COMMD1: variants seen among roughly 807,000 people sequenced by gnomAD.
The protein encoded by COMMD1 is COMM domain-containing protein 1.
COMMD1 carries 10 observed loss-of-function variants against 17.2 expected under a neutral mutation model. The observed-to-expected ratio is 0.58, with a 90% CI of 0.36 to 0.99. The LOEUF (loss-of-function observed/expected upper bound fraction) is 0.99. Among genes scored for constraint, COMMD1 ranks in the 50% least tolerant of loss-of-function variants. The pLI, the probability that COMMD1 is intolerant of heterozygous loss-of-function variation, is 0.01. For synonymous variants in COMMD1, 97 were observed against 91.6 expected (o/e 1.06, Z -0.34); for missense variants, 270 against 231.8 (o/e 1.17, Z -1.07).
At chr2:61,910,223 A>C (rs1233953781) in intron 1 of COMMD1, among the ~76,000 whole-genome samples, 1 of 151,844 alleles carries the variant, frequency 6.6e-6, no homozygotes, top group Non-Finnish European at 1.5e-5. Flanking sequence ...TTATATATAA[A>C]ATATATAAAA....
intron 1 of COMMD1, among the ~76,000 whole-genome samples, chr2:61,945,007 A>G (rs570281917): frequency 2.0e-5 from 3 of 152,308 alleles, no homozygotes; most frequent in Non-Finnish European, 4.4e-5. Context: ...CATAATTGGA[A>G]TTCTCATTCA....
chr2:61,905,657 C>G (rs1482994003), upstream of COMMD1: 1 of 1,524,298 alleles, frequency 6.6e-7, no homozygotes, highest in Non-Finnish European at 8.8e-7. Flanking sequence ...TCAGCTGTTG[C>G]GGGGCGGGGC....
At chr2:62,049,064 A>G (rs1670464764) in intron 2 of COMMD1, among the ~76,000 whole-genome samples, 1 of 152,220 alleles carries the variant, frequency 6.6e-6, no homozygotes, top group African/African-American at 2.4e-5. Flanking sequence ...AAGAAATCAC[A>G]TTACATGCAA....
chr2:62,054,245 T>C (rs1365162797), intron 2 of COMMD1, among the ~76,000 whole-genome samples: 1 of 152,142 alleles, frequency 6.6e-6, no homozygotes, highest in East Asian at 1.9e-4. Context: ...GGTAAGAATG[T>C]AAATTAGCAC....
rs574043993 is a variant in COMMD1, at chr2:62,129,593, T to C, written c.463-6238T>C. Among the ~76,000 whole-genome samples the C allele has an allele frequency of 3.3e-5, 5 of 152,208 alleles. No homozygotes were observed. In the South Asian group the frequency reaches 1.0e-3, roughly 31 times the overall value. On this transcript the variant is annotated intron_variant, in intron 2 of 2. Coordinates refer to ENST00000311832, the MANE Select transcript of COMMD1 (RefSeq NM_152516.4). ...TGAGTGGTGAACACAGGTTTACTTA[T>C]GAAGATGTTTTGAACTTCTCTGGCA... is the stretch of plus-strand genomic sequence containing the variant.
At position 62,094,051 on chromosome 2, in the gene COMMD1, G is replaced by A. The variant is rs187461100; in HGVS notation, c.463-41780G>A. 3.0e-4 allele frequency among the ~76,000 whole-genome samples: 46 copies of A among 152,256 alleles called. No homozygotes were observed. The East Asian group carries it at 4.6e-3, about 15-fold the overall frequency. ...GTTGTCCCTTAAATAAGAACCATCC[G>A]TGAACCAAATTAACTCAGCATTCTC... On this transcript the variant is annotated intron_variant, in intron 2 of 2. Coordinates refer to ENST00000311832, the MANE Select transcript of COMMD1 (RefSeq NM_152516.4).
chr2:62,125,466 T>A (rs1237796090), intron 2 of COMMD1, among the ~76,000 whole-genome samples: 1 of 152,192 alleles, frequency 6.6e-6, no homozygotes, highest in Non-Finnish European at 1.5e-5. Flanking sequence ...CAGTATGATT[T>A]TTTTTCTGTT....
intron 2 of COMMD1, among the ~76,000 whole-genome samples, chr2:62,062,842 G>A (rs1018857070): frequency 2.6e-5 from 4 of 152,190 alleles, no homozygotes; most frequent in Non-Finnish European, 4.4e-5. Flanking sequence ...GGCCAAGGCA[G>A]GAGGACTGCT....
intron 2 of COMMD1, among the ~76,000 whole-genome samples, chr2:62,072,435 G>C (rs1263961064): frequency 6.6e-6 from 1 of 152,128 alleles, no homozygotes; most frequent in South Asian, 2.1e-4. Flanking sequence ...TTCAGGTAGG[G>C]GTTACCCACT....
At chr2:62,086,566 A>G (rs568778243) in intron 2 of COMMD1, among the ~76,000 whole-genome samples, 2 of 152,280 alleles carry the variant, frequency 1.3e-5, no homozygotes, top group Non-Finnish European at 2.9e-5. Flanking sequence ...ATGTTCGACT[A>G]AGCATTTCTG....
intron 1 of COMMD1, among the ~76,000 whole-genome samples, chr2:61,971,996 G>A (rs1671663157): frequency 6.6e-6 from 1 of 152,084 alleles, no homozygotes; most frequent in Admixed American, 6.6e-5. Flanking sequence ...GGTGGCACAT[G>A]TCTTTAGTTC....
chr2:62,094,049 C>T (rs1294107809), intron 2 of COMMD1, among the ~76,000 whole-genome samples: 1 of 152,196 alleles, frequency 6.6e-6, no homozygotes, highest in Non-Finnish European at 1.5e-5. Context: ...TAAGAACCAT[C>T]CGTGAACCAA....
chr2:61,992,751 G>A (rs1287621832), intron 1 of COMMD1, among the ~76,000 whole-genome samples: 1 of 152,128 alleles, frequency 6.6e-6, no homozygotes, highest in African/African-American at 2.4e-5. Context: ...CTTTGGGAGG[G>A]CAATACTACC....
chr2:61,960,970 C>T (rs1193611708), intron 1 of COMMD1, among the ~76,000 whole-genome samples: 1 of 152,150 alleles, frequency 6.6e-6, no homozygotes, highest in Non-Finnish European at 1.5e-5. Context: ...ATAGATTGCT[C>T]GCACCAGGTG....
intron 1 of COMMD1, among the ~76,000 whole-genome samples, chr2:61,947,836 C>T (rs1277517911): frequency 2.0e-5 from 3 of 150,748 alleles, no homozygotes; most frequent in Non-Finnish European, 4.4e-5. Flanking sequence ...TATAGGCATG[C>T]ACCAGGGCCT....
intron 2 of COMMD1, among the ~76,000 whole-genome samples, chr2:62,108,180 A>G (rs1300685549): frequency 1.3e-5 from 2 of 152,202 alleles, no homozygotes; most frequent in African/African-American, 4.8e-5. Context: ...TGGCATCACA[A>G]TGCCTAAAAG....
chr2:62,069,956 A>AAT (rs1408534244), intron 2 of COMMD1: 2 of 152,248 alleles, frequency 1.3e-5, no homozygotes, highest in African/African-American at 2.4e-5. Flanking sequence ...AATATACTGC[A>AAT]ATATTTCAAT....
chr2:62,085,268 A>G (rs1671626142), intron 2 of COMMD1, among the ~76,000 whole-genome samples: 1 of 149,054 alleles, frequency 6.7e-6, no homozygotes, highest in Non-Finnish European at 1.5e-5. Context: ...CCCAGGCTGG[A>G]GTGCAGTGGC....
At chr2:61,904,265 C>T (rs1478925001), upstream of COMMD1, among the ~76,000 whole-genome samples, 1 of 152,188 alleles carries the variant, frequency 6.6e-6, no homozygotes, top group Non-Finnish European at 1.5e-5. Context: ...TCTGCCTCGG[C>T]CTTCCAAAGT....
Sources: allele counts gnomAD v4.1 joint callset (sites outside exome capture counted in the v4.1 genomes callset), GRCh38; gene constraint gnomAD v4.1.1; transcripts MANE v1.5; gene names NCBI Gene and HGNC (gene_info 2026-07-23, HGNC 2026-07-21).